SH3KBP1: variants seen among roughly 807,000 people sequenced by gnomAD.
SH3KBP1 encodes the protein SH3 domain-containing kinase-binding protein 1.
SH3KBP1 carries 8 observed loss-of-function variants against 50.1 expected under a neutral mutation model. That is an observed-to-expected ratio of 0.16 (90% CI 0.09 to 0.29). SH3KBP1 has a LOEUF of 0.29. SH3KBP1 is among the 10% of genes least tolerant of loss of function. The pLI is 1.00. For synonymous variants in SH3KBP1, 227 were observed against 218.6 expected, an observed-to-expected ratio of 1.04 and a Z score of -0.34; for missense variants, 377 against 535.2, an observed-to-expected ratio of 0.70 and a Z score of 2.92.
intron 2 of SH3KBP1, among the ~76,000 whole-genome samples, chrX:19,814,437 G>T (rs1569480200): frequency 1.8e-5 from 2 of 110,889 alleles, no homozygotes; most frequent in Non-Finnish European, 3.8e-5. Flanking sequence ...TCCCTGATCT[G>T]GAGCCCTGTA....
chrX:19,567,736 T>C (rs1006937190), intron 13 of SH3KBP1, among the ~76,000 whole-genome samples: 13 of 105,954 alleles, frequency 1.2e-4, no homozygotes, highest in Admixed American at 8.3e-4. Context: ...CAGATTTCTA[T>C]TACTTCTTAC....
At chrX:19,563,042 A>G (rs7890436) in intron 13 of SH3KBP1, among the ~76,000 whole-genome samples, 3,829 of 111,847 alleles carry the variant, frequency 0.034, 162 homozygotes, top group African/African-American at 0.12. Context: ...ATGTTTACTG[A>G]GTTTGCGCTT....
At chrX:19,613,888 G>A (rs1336017994) in intron 8 of SH3KBP1, among the ~76,000 whole-genome samples, 4 of 112,539 alleles carry the variant, frequency 3.6e-5, no homozygotes, top group Non-Finnish European at 1.9e-5. Flanking sequence ...CCTGGATCTC[G>A]GTTTCCTGAC....
intron 1 of SH3KBP1, among the ~76,000 whole-genome samples, chrX:19,846,671 C>T (rs2068375347): frequency 8.9e-6 from 1 of 111,831 alleles, no homozygotes; most frequent in Non-Finnish European, 1.9e-5. Context: ...CAAGTGTCTG[C>T]TTATACTATG....
At chrX:19,760,041 C>CCTCTCTCTCTCTCTCTCTCTCTCT (rs745515349) in intron 2 of SH3KBP1, among the ~76,000 whole-genome samples, 26 of 50,411 alleles carry the variant, frequency 5.2e-4, no homozygotes, top group African/African-American at 6.5e-4. Context: ...TCTCTCTCTC[C>CCTCTCTCTCTCTCTCTCTCTCTCT]CTCTCTCTCT....
At chrX:19,856,483 C>T (rs1339297737) in intron 1 of SH3KBP1, among the ~76,000 whole-genome samples, 1 of 111,490 alleles carries the variant, frequency 9.0e-6, no homozygotes, top group Non-Finnish European at 1.9e-5. Flanking sequence ...CCTTTAAGGC[C>T]GATAACATCC....
chrX:19,702,184 A>G (rs1363038916), intron 4 of SH3KBP1, among the ~76,000 whole-genome samples: 1 of 112,197 alleles, frequency 8.9e-6, no homozygotes, highest in African/African-American at 3.2e-5. Flanking sequence ...GATTATCTTA[A>G]CAGGTCAGAA....
At chrX:19,837,693 G>A (rs1015300868) in intron 1 of SH3KBP1, among the ~76,000 whole-genome samples, 1 of 109,858 alleles carries the variant, frequency 9.1e-6, no homozygotes, top group African/African-American at 3.3e-5. Flanking sequence ...TGCCCGCCTC[G>A]GCTTCCCAAA....
intron 8 of SH3KBP1, among the ~76,000 whole-genome samples, chrX:19,624,178 C>T (rs2067938966): frequency 9.0e-6 from 1 of 111,124 alleles, no homozygotes; most frequent in Non-Finnish European, 1.9e-5. Context: ...TACAACATGT[C>T]ATTTAAGCCT....
intron 3 of SH3KBP1, among the ~76,000 whole-genome samples, chrX:19,720,637 T>C (rs1378956158): frequency 1.8e-5 from 2 of 112,026 alleles, no homozygotes. Context: ...CTAACATATC[T>C]ATTTTTAAAG....
chrX:19,767,363 T>G (rs1201077414), intron 2 of SH3KBP1, among the ~76,000 whole-genome samples: 2 of 112,510 alleles, frequency 1.8e-5, no homozygotes, highest in East Asian at 5.5e-4. Flanking sequence ...GAAATCTTGT[T>G]TCTTTCCTAA....
intron 6 of SH3KBP1, among the ~76,000 whole-genome samples, chrX:19,647,893 A>T (rs1283663290): frequency 9.0e-6 from 1 of 111,368 alleles, no homozygotes; most frequent in Non-Finnish European, 1.9e-5. Flanking sequence ...CTCTAGGAAC[A>T]CACCCTCCGT....
At chrX:19,605,053 C>T (rs1370796057) in intron 9 of SH3KBP1, among the ~76,000 whole-genome samples, 1 of 111,204 alleles carries the variant, frequency 9.0e-6, no homozygotes, top group Admixed American at 9.6e-5. Context: ...CCAGTCCACT[C>T]ATCACTGACA....
At chrX:19,643,300 ATTTTTTATTTT>A (rs2061906938) in intron 7 of SH3KBP1, among the ~76,000 whole-genome samples, 2 of 86,908 alleles carry the variant, frequency 2.3e-5, no homozygotes, top group African/African-American at 5.7e-5. Flanking sequence ...AAACTGAAGA[ATTTTTTATTTT>A]TTTTTTTTTT....
rs1218489940 is a variant in SH3KBP1, at chrX:19,774,661, AGAAAGAAAGAAAGAAAGAAAG to A, written c.163-28241_163-28221del. ...ACTCCCCTGTCTCAAAAAAAAAGAAAGAAAGAAAGAAAGAAAGAAAGAAAGAAAGAAAGAAAGAAAGAAAGA... is the reference window on the plus strand; with the variant it reads ...ACTCCCCTGTCTCAAAAAAAAAGAAAAAAGAAAGAAAGAAAGAAAGAAAGA... On this transcript the variant is annotated intron_variant, in intron 2 of 17. Transcript: ENST00000397821. Among the ~76,000 whole-genome samples the A allele has an allele frequency of 2.3e-4, 11 of 47,581 alleles. 1 individual carries two copies. The highest frequency in any genetic ancestry group is 6.6e-4 in the African/African-American group (3 of 4,576). The allele number at this position is 47,581 out of a possible 115,157, so 41.3% of individuals were successfully genotyped here. A position where few individuals can be genotyped will look rare whatever the true frequency, so the allele number is the denominator to read the frequency against.
At chrX:19,626,412 A>ATGAATGAATGAG (rs758507681) in intron 8 of SH3KBP1, among the ~76,000 whole-genome samples, 154 of 110,590 alleles carry the variant, frequency 1.4e-3, no homozygotes, top group African/African-American at 4.9e-3. Flanking sequence ...GAATGAATGA[A>ATGAATGAATGAG]TGAGTGAACG....
intron 2 of SH3KBP1, among the ~76,000 whole-genome samples, chrX:19,760,115 C>T (rs1369759322): frequency 9.6e-6 from 1 of 104,430 alleles, no homozygotes; most frequent in Non-Finnish European, 2.0e-5. Flanking sequence ...TGGCTGGGCG[C>T]GGTGGCTCAC....
At chrX:19,543,020 G>T (rs1325277683) in intron 15 of SH3KBP1, among the ~76,000 whole-genome samples, 1 of 112,168 alleles carries the variant, frequency 8.9e-6, no homozygotes, top group Non-Finnish European at 1.9e-5. Flanking sequence ...GCTAGAAGCG[G>T]TCAGGGTTGG....
In SH3KBP1 at chrX:19,736,445, G is replaced by A. The variant is rs183243667; in HGVS notation, c.286+9873C>T. Among the ~76,000 whole-genome samples the A allele has an allele frequency of 4.5e-5, 5 of 112,323 alleles. No individual in the cohort carries two copies. The East Asian group carries it at 1.4e-3, about 31-fold the overall frequency. On this transcript the variant is annotated intron_variant, in intron 3 of 17. Transcript: ENST00000397821. ...CCAACAGCCATCCTCCCTGCAATAA[G>A]GTCCTGCTGCCACTGAACCTATTCA...
Sources: allele counts gnomAD v4.1 joint callset (sites outside exome capture counted in the v4.1 genomes callset), GRCh38; gene constraint gnomAD v4.1.1; transcripts MANE v1.5; gene names NCBI Gene and HGNC (gene_info 2026-07-23, HGNC 2026-07-21).